Variants in OPCML observed in about 807,000 individuals in gnomAD.
The protein encoded by OPCML is opioid-binding protein/cell adhesion molecule.
A neutral mutation model predicts 37.8 loss-of-function variants in OPCML; 13 were observed. The ratio of observed to expected loss-of-function variants is 0.34; its 90% CI spans 0.22 to 0.55. The LOEUF is 0.55. Ranked by LOEUF, OPCML falls within the 20% of genes least tolerant of loss-of-function variation. The pLI is 0.91. For synonymous variants in OPCML, 176 were observed against 168.8 expected (o/e 1.04, Z -0.33); for missense variants, 341 against 435.6 (o/e 0.78, Z 1.93).
At position 133,273,521 on chromosome 11, in the gene OPCML, T is replaced by G. The variant is rs369104644; in HGVS notation, c.61+258743A>C. 3.9e-5 allele frequency among the ~76,000 whole-genome samples: 6 copies of G among 152,366 alleles called. No individual in the cohort carries two copies. The South Asian group carries it at 1.2e-3, about 32-fold the overall frequency. Reference sequence around the variant, plus strand: ...AGATTGTAATAGTCTGGGCCCATTATGTTCTTTCTCTCGCAGAACCAAAGT... The same window carrying G: ...AGATTGTAATAGTCTGGGCCCATTAGGTTCTTTCTCTCGCAGAACCAAAGT... On this transcript the variant is annotated intron_variant, in intron 1 of 7. Transcript: ENST00000524381.
chr11:133,501,930 C>T (rs760856526), intron 1 of OPCML, among the ~76,000 whole-genome samples: 1 of 152,036 alleles, frequency 6.6e-6, no homozygotes, highest in Admixed American at 6.5e-5. Flanking sequence ...CTCATTCCTG[C>T]CTTTCCCTCC....
At chr11:132,727,845 A>G (rs1944940042) in intron 2 of OPCML, among the ~76,000 whole-genome samples, 1 of 152,242 alleles carries the variant, frequency 6.6e-6, no homozygotes, top group Non-Finnish European at 1.5e-5. Flanking sequence ...AGCTAGGTGT[A>G]ATATGACAGC....
At chr11:133,258,772 C>T (rs1941401155) in intron 1 of OPCML, among the ~76,000 whole-genome samples, 1 of 152,046 alleles carries the variant, frequency 6.6e-6, no homozygotes, top group East Asian at 1.9e-4. Context: ...CCCCCAGCTA[C>T]CCCCAGCACT....
chr11:133,475,259 A>T (rs1336565800), intron 1 of OPCML, among the ~76,000 whole-genome samples: 2 of 151,112 alleles, frequency 1.3e-5, no homozygotes, highest in African/African-American at 4.9e-5. Flanking sequence ...GCCACCTAGC[A>T]TCACGTCCAA....
intron 3 of OPCML, among the ~76,000 whole-genome samples, chr11:132,560,150 T>C (rs1477767754): frequency 6.6e-6 from 1 of 152,196 alleles, no homozygotes; most frequent in Non-Finnish European, 1.5e-5. Flanking sequence ...CTTCCCTTTT[T>C]GCCATTCCCT....
intron 1 of OPCML, among the ~76,000 whole-genome samples, chr11:133,376,912 C>T (rs1455316801): frequency 6.6e-6 from 1 of 152,142 alleles, no homozygotes; most frequent in Non-Finnish European, 1.5e-5. Context: ...CCTCTACAAC[C>T]ATCTTCATGC....
intron 1 of OPCML, among the ~76,000 whole-genome samples, chr11:133,429,023 G>A (rs184509858): frequency 5.9e-4 from 90 of 152,286 alleles, no homozygotes; most frequent in Non-Finnish European, 1.3e-3. Context: ...AATGTGAGTA[G>A]AATTAGACTC....
intron 2 of OPCML, among the ~76,000 whole-genome samples, chr11:132,771,006 T>C (rs1946618156): frequency 6.6e-6 from 1 of 152,154 alleles, no homozygotes; most frequent in Non-Finnish European, 1.5e-5. Context: ...CCACCTCTTG[T>C]TATTCTTGGC....
rs1565561137 is a variant in OPCML at position 133,305,336 on chromosome 11, A to G, written c.61+226928T>C. Among the ~76,000 whole-genome samples, 3 of 152,174 alleles carry G rather than the reference A, an allele frequency of 2.0e-5. No individual in the cohort carries two copies. The South Asian group carries it at 6.2e-4, about 32-fold the overall frequency. The stretch of plus-strand genomic sequence containing the variant: ...AACATGAGGATGTCAACACTGGAAA[A>G]GGATGACTGACTCACAAGTATTTTC... On this transcript the variant is annotated intron_variant, in intron 1 of 7. Transcript: ENST00000524381.
chr11:133,294,766 A>C (rs2136548049), intron 1 of OPCML, among the ~76,000 whole-genome samples: 1 of 151,464 alleles, frequency 6.6e-6, no homozygotes. Flanking sequence ...TTTCAAGGGC[A>C]AACCTGCAAA....
At position 132,606,474 on chromosome 11, in the gene OPCML, C is replaced by T. The variant is rs530891268; in HGVS notation, c.379+50613G>A. 5.9e-5 allele frequency among the ~76,000 whole-genome samples: 9 copies of T among 152,196 alleles called. 1 individual carries two copies. The highest frequency in any genetic ancestry group is 1.2e-4 in the African/African-American group (5 of 41,532). ...ATCTCCTTTCACAGGATGATGTCTG[C>T]GGGGTTTGCTTTGTAATTTGAGGGA... On this transcript the variant is annotated intron_variant, in intron 3 of 7. Coordinates refer to ENST00000524381, the MANE Select transcript of OPCML (RefSeq NM_001012393.5).
At chr11:132,852,775 A>G (rs1308478384) in intron 2 of OPCML, among the ~76,000 whole-genome samples, 1 of 152,194 alleles carries the variant, frequency 6.6e-6, no homozygotes, top group Admixed American at 6.5e-5. Flanking sequence ...GAGAAAGCAT[A>G]CATCTAGCAC....
intron 1 of OPCML, among the ~76,000 whole-genome samples, chr11:133,370,357 A>T (rs955474149): frequency 5.3e-5 from 8 of 152,178 alleles, no homozygotes; most frequent in Admixed American, 2.0e-4. Context: ...TAGATCTGAT[A>T]AATAAATTCA....
intron 1 of OPCML, among the ~76,000 whole-genome samples, chr11:133,018,229 C>T (rs1419963177): frequency 6.6e-6 from 1 of 152,064 alleles, no homozygotes; most frequent in Non-Finnish European, 1.5e-5. Context: ...TCATCTGGAG[C>T]AAAGAAATTG....
At chr11:132,454,639 G>A (rs998660501) in intron 4 of OPCML, among the ~76,000 whole-genome samples, 8 of 152,194 alleles carry the variant, frequency 5.3e-5, no homozygotes, top group Admixed American at 2.0e-4. Context: ...CAGCAGCCAT[G>A]TTGAATAGGG....
At chr11:132,461,647 G>T (rs996862126) in intron 4 of OPCML, among the ~76,000 whole-genome samples, 3 of 152,158 alleles carry the variant, frequency 2.0e-5, no homozygotes, top group African/African-American at 7.2e-5. Context: ...CTGTGTTTTA[G>T]TCCATTCTCA....
intron 1 of OPCML, among the ~76,000 whole-genome samples, chr11:133,113,831 C>T (rs1005641618): frequency 1.3e-5 from 2 of 152,206 alleles, no homozygotes; most frequent in South Asian, 2.1e-4. Context: ...GTGTTCTGAC[C>T]TCTGTGCTTC....
chr11:132,774,299 A>T (rs187325419), intron 2 of OPCML, among the ~76,000 whole-genome samples: 1 of 152,236 alleles, frequency 6.6e-6, no homozygotes, highest in East Asian at 1.9e-4. Context: ...CTTCTTCTTA[A>T]CTCTATTAAT....
At chr11:133,234,490 G>A (rs920556208) in intron 1 of OPCML, among the ~76,000 whole-genome samples, 14 of 152,222 alleles carry the variant, frequency 9.2e-5, no homozygotes, top group Admixed American at 2.6e-4. Context: ...AAGGAAAGGC[G>A]AATGGCCAGG....
Sources: gnomAD v4.1 joint callset for allele counts (sites outside exome capture counted in the v4.1 genomes callset) on GRCh38, gnomAD v4.1.1 for gene constraint, MANE v1.5 for transcripts, NCBI Gene and HGNC (gene_info 2026-07-23, HGNC 2026-07-21) for gene names.